COL19A1: variants seen among roughly 807,000 people sequenced by gnomAD.
COL19A1 encodes collagen alpha-1(XIX) chain.
A neutral mutation model predicts 190.2 loss-of-function variants in COL19A1; 159 were observed. The observed-to-expected ratio is 0.84, with a 90% CI of 0.73 to 0.95. The LOEUF (loss-of-function observed/expected upper bound fraction) is 0.95. COL19A1 is among the 40% of genes least tolerant of loss of function. The pLI, the probability that COL19A1 is intolerant of heterozygous loss-of-function variation, is 0.00. For missense variants in COL19A1, 1,418 were observed against 1,431.9 expected (o/e 0.99, Z 0.16); for synonymous variants, 509 against 458.9 (o/e 1.11, Z -1.39).
At chr6:70,023,078 T>C (rs1262574472) in intron 11 of COL19A1, among the ~76,000 whole-genome samples, 1 of 152,088 alleles carries the variant, frequency 6.6e-6, no homozygotes, top group Non-Finnish European at 1.5e-5. Flanking sequence ...CTTTGTTGCT[T>C]ATAGAAGAAA....
chr6:70,103,548 T>G (rs1783767366), intron 16 of COL19A1, among the ~76,000 whole-genome samples: 2 of 152,240 alleles, frequency 1.3e-5, no homozygotes, highest in Admixed American at 6.5e-5. Context: ...GCCTTTTACC[T>G]GCCTTGGCCT....
At chr6:70,151,625 T>C (rs868142453) in intron 31 of COL19A1, among the ~76,000 whole-genome samples, 187 bp downstream of exon 31, 1 of 152,152 alleles carries the variant, frequency 6.6e-6, no homozygotes, top group Non-Finnish European at 1.5e-5. Context: ...CCTAATTCTT[T>C]CACTCTCTTC....
intron 14 of COL19A1, among the ~76,000 whole-genome samples, chr6:70,053,092 G>A (rs1011950324): frequency 6.6e-6 from 1 of 152,176 alleles, no homozygotes; most frequent in Non-Finnish European, 1.5e-5. Context: ...ATATTGAAAT[G>A]TTGCACTAGG....
At chr6:70,177,206 G>T (rs888331841) in intron 42 of COL19A1, among the ~76,000 whole-genome samples, 3 of 152,054 alleles carry the variant, frequency 2.0e-5, no homozygotes, top group African/African-American at 7.2e-5. Flanking sequence ...AAAATTTTGT[G>T]GTCACGCTTT....
At chr6:70,061,760 T>C (rs1780842045) in intron 14 of COL19A1, among the ~76,000 whole-genome samples, 1 of 152,090 alleles carries the variant, frequency 6.6e-6, no homozygotes, top group South Asian at 2.1e-4. Context: ...TATATATTAG[T>C]TTGACTATTC....
intron 2 of COL19A1, among the ~76,000 whole-genome samples, chr6:69,882,726 AGGCCTGT>A (rs1768645647): frequency 1.3e-5 from 2 of 152,360 alleles, no homozygotes; most frequent in African/African-American, 4.8e-5. Flanking sequence ...ATTTAAATTT[AGGCCTGT>A]AACTATTCAT....
intron 15 of COL19A1, among the ~76,000 whole-genome samples, chr6:70,088,802 A>C (rs1196141373): frequency 6.6e-6 from 1 of 152,166 alleles, no homozygotes; most frequent in East Asian, 1.9e-4. Flanking sequence ...ATAAACACTT[A>C]ATAAATATAC....
rs138302713 is a variant in COL19A1 at position 70,092,236 on chromosome 6, AG to A, written c.1225-9931del. Among the ~76,000 whole-genome samples, 362 of 152,168 alleles carry A rather than the reference AG, an allele frequency of 2.4e-3. 2 individuals are homozygous for A. Among genetic ancestry groups the A allele is most frequent in the African/African-American group, 8.4e-3 (349 of 41,540 alleles). On this transcript the variant is annotated intron_variant, in intron 15 of 50. Transcript: ENST00000620364. ...GACTTTTCAGGGGATATAATGTCCC[AG>A]GTTGTTGCTGAGGTTATGTAAATGA...
intron 15 of COL19A1, 79 bp downstream of exon 15, chr6:70,068,555 G>T (rs1195513342): frequency 2.3e-6 from 2 of 886,340 alleles, no homozygotes; most frequent in African/African-American, 1.7e-5. Context: ...AAATGAAACC[G>T]AAATAGAGCA....
At chr6:70,141,813 G>A (rs751182119) in intron 20 of COL19A1, 80 bp from the exon 21 acceptor site, 2 of 919,730 alleles carry the variant, frequency 2.2e-6, no homozygotes, top group Admixed American at 2.1e-5. Context: ...TTAATTAGTA[G>A]AAATTCAATT....
intron 11 of COL19A1, among the ~76,000 whole-genome samples, chr6:69,984,826 C>T (rs1201216987): frequency 6.6e-6 from 1 of 152,040 alleles, no homozygotes; most frequent in Non-Finnish European, 1.5e-5. Flanking sequence ...AGCCATTAGT[C>T]TTCTATCATT....
In COL19A1 at chr6:69,931,338, A is replaced by G. The variant is rs967704349; in HGVS notation, c.667-1445A>G. Among the ~76,000 whole-genome samples, 6 of 152,186 alleles carry G rather than the reference A, an allele frequency of 3.9e-5. No homozygotes were observed. In the East Asian group the frequency reaches 9.6e-4, roughly 24 times the overall value. On this transcript the variant is annotated intron_variant, in intron 6 of 50. Transcript: ENST00000620364. ...GCACTATATCAGTGAAGCATTCTAA[A>G]GTAATGAATGAATAAACAAAGCATA...
chr6:69,901,707 T>C (rs1770201928), intron 4 of COL19A1, among the ~76,000 whole-genome samples: 1 of 152,234 alleles, frequency 6.6e-6, no homozygotes, highest in African/African-American at 2.4e-5. Context: ...TAGGAGTAGA[T>C]AACTTTAATT....
intron 16 of COL19A1, among the ~76,000 whole-genome samples, chr6:70,114,835 T>A (rs1562187376): frequency 6.6e-6 from 1 of 152,240 alleles, no homozygotes. Flanking sequence ...CATTAGATTC[T>A]ATTTTCAATG....
chr6:69,909,312 G>A lies in COL19A1; in HGVS notation c.266+8974G>A, dbSNP rs549360523. ...GTTTGCAGAAAGAGGTATAAGATAC[G>A]GTTCTTGCCTCTAGGGAGTGTGTGA... On this transcript the variant is annotated intron_variant, in intron 4 of 50. Transcript: ENST00000620364. 1.1e-3 allele frequency among the ~76,000 whole-genome samples: 161 copies of A among 152,078 alleles called. 2 individuals are homozygous for A. Among genetic ancestry groups the A allele is most frequent in the Non-Finnish European group, 1.7e-3 (117 of 67,996 alleles).
intron 11 of COL19A1, among the ~76,000 whole-genome samples, chr6:70,000,173 C>A (rs1777172164): frequency 6.6e-6 from 1 of 152,150 alleles, no homozygotes. Flanking sequence ...CCGGCTTCAT[C>A]CATGTCCCTG....
intron 14 of COL19A1, among the ~76,000 whole-genome samples, chr6:70,057,160 G>T (rs1469347119): frequency 6.6e-6 from 1 of 152,098 alleles, no homozygotes; most frequent in Non-Finnish European, 1.5e-5. Flanking sequence ...TTTTCACGTG[G>T]CCACTGACCT....
chr6:70,031,907 C>A (rs1779095746), intron 12 of COL19A1, among the ~76,000 whole-genome samples: 1 of 152,100 alleles, frequency 6.6e-6, no homozygotes, highest in Non-Finnish European at 1.5e-5. Flanking sequence ...AGGACGGGAA[C>A]CTTCACCTAG....
intron 14 of COL19A1, among the ~76,000 whole-genome samples, chr6:70,065,880 A>G (rs1781162011): frequency 1.3e-5 from 2 of 152,248 alleles, no homozygotes; most frequent in Admixed American, 6.5e-5. Flanking sequence ...ACTGGCCATC[A>G]GAGAAATGCA....
Sources: gnomAD v4.1 joint callset for allele counts (sites outside exome capture counted in the v4.1 genomes callset) on GRCh38, gnomAD v4.1.1 for gene constraint, MANE v1.5 for transcripts, NCBI Gene and HGNC (gene_info 2026-07-23, HGNC 2026-07-21) for gene names.